Variants in THNSL1 observed in about 807,000 individuals in gnomAD.
The protein encoded by THNSL1 is threonine synthase like 1.
In THNSL1, 48 loss-of-function variants were observed where a neutral mutation model predicts 50.4. The ratio of observed to expected loss-of-function variants is 0.95; its 90% CI spans 0.76 to 1.21. The LOEUF is 1.21. THNSL1 is among the 50% of genes most tolerant of loss of function. The pLI is 0.00. For synonymous variants in THNSL1, 309 were observed against 306.1 expected, an observed-to-expected ratio of 1.01 and a Z score of -0.10; for missense variants, 896 against 871.7, an observed-to-expected ratio of 1.03 and a Z score of -0.35.
chr10:24,976,346 A>C, the THNSL1 span, among the ~76,000 whole-genome samples: 1 of 152,164 alleles, frequency 6.6e-6, no homozygotes, highest in Non-Finnish European at 1.5e-5. Flanking sequence ...AACACAAAAC[A>C]TAGGAAGCAG....
the THNSL1 span, among the ~76,000 whole-genome samples, chr10:24,979,274 G>A: frequency 6.6e-6 from 1 of 152,214 alleles, no homozygotes. Context: ...TGGGTCCAAT[G>A]CTAATGTTGT....
At chr10:25,007,975 A>G in the THNSL1 span, among the ~76,000 whole-genome samples, 1 of 148,302 alleles carries the variant, frequency 6.7e-6, no homozygotes, top group Non-Finnish European at 1.5e-5. Context: ...GTGATATATT[A>G]TATATATGTA....
Position 25,026,490 on chromosome 10 carries a change from C to A in THNSL1, c.*1035C>A, listed in dbSNP as rs534098280. ...CTATATTATTTGGAGTCAATTCTTA[C>A]GTAATTTGTTGTTTATTTCTTCAGT... On this transcript the variant is annotated 3_prime_UTR_variant, in exon 3 of 3. Transcript: ENST00000376356. The A allele has an allele frequency of 1.1e-3, 177 of 167,126 alleles. No individual in the cohort carries two copies. The highest frequency in any genetic ancestry group is 1.9e-3 in the Non-Finnish European group (131 of 68,108). 10.4% of individuals were successfully genotyped at this position (167,126 alleles called of 1,614,324 possible). A position where few individuals can be genotyped will look rare whatever the true frequency, so the allele number is the denominator to read the frequency against.
intron 1 of THNSL1, among the ~76,000 whole-genome samples, chr10:25,021,504 T>G (rs1396857232): frequency 6.6e-6 from 1 of 152,210 alleles, no homozygotes; most frequent in African/African-American, 2.4e-5. Context: ...TTTTTATTGC[T>G]TGATGGTAGA....
rs968551161 is a variant in THNSL1, at chr10:25,021,793, G to T, written c.-164G>T. The T allele has an allele frequency of 6.6e-6, 1 of 152,138 alleles. No individual in the cohort carries two copies. The highest frequency in any genetic ancestry group is 1.9e-4 in the East Asian group (1 of 5,192). 9.4% of individuals were successfully genotyped at this position (152,138 alleles called of 1,614,324 possible). A position where few individuals can be genotyped will look rare whatever the true frequency, so the allele number is the denominator to read the frequency against. ...TGCCTCAGAGTCAACAAACTCTTCA[G>T]ATTGGTTCCGGTGTGTCCTATGTTT... is the stretch of plus-strand genomic sequence containing the variant. On this transcript the variant is annotated 5_prime_UTR_variant, in exon 2 of 3. Coordinates refer to ENST00000376356, the MANE Select transcript of THNSL1 (RefSeq NM_024838.5).
chr10:25,004,093 A>T, the THNSL1 span, among the ~76,000 whole-genome samples: 2 of 152,226 alleles, frequency 1.3e-5, no homozygotes, highest in African/African-American at 4.8e-5. Flanking sequence ...ATGTCCCTGC[A>T]AAGAATACGA....
chr10:24,979,448 C>T, the THNSL1 span, among the ~76,000 whole-genome samples: 1 of 152,148 alleles, frequency 6.6e-6, no homozygotes, highest in African/African-American at 2.4e-5. Context: ...GAATGTCATT[C>T]CCATTGTCAA....
At chr10:24,968,504 T>A in the THNSL1 span, among the ~76,000 whole-genome samples, 1 of 152,166 alleles carries the variant, frequency 6.6e-6, no homozygotes, top group South Asian at 2.1e-4. Context: ...CATCCTTCGT[T>A]GTCTAAGATC....
the THNSL1 span, chr10:24,990,423 C>G: frequency 3.2e-6 from 5 of 1,579,098 alleles, no homozygotes; most frequent in Admixed American, 5.9e-5. Context: ...CAGAGATGAT[C>G]CAAAGAGTTA....
chr10:24,998,385 C>CT, the THNSL1 span, among the ~76,000 whole-genome samples: 1 of 107,702 alleles, frequency 9.3e-6, no homozygotes, highest in Non-Finnish European at 1.7e-5. Flanking sequence ...CTCTCTCTTT[C>CT]TTTTTTTGAG....
chr10:24,991,343 G>T, the THNSL1 span, among the ~76,000 whole-genome samples: 1 of 151,674 alleles, frequency 6.6e-6, no homozygotes, highest in Non-Finnish European at 1.5e-5. Context: ...CTTTTTCGTG[G>T]TCTCGTTAAA....
the THNSL1 span, among the ~76,000 whole-genome samples, chr10:25,010,489 A>C: frequency 6.6e-6 from 1 of 151,842 alleles, no homozygotes; most frequent in Admixed American, 6.6e-5. Context: ...ACATGTGCAC[A>C]ATGTGCAGGT....
upstream of THNSL1, among the ~76,000 whole-genome samples, chr10:25,013,641 G>A (rs1850500824): frequency 6.6e-6 from 1 of 152,210 alleles, no homozygotes; most frequent in African/African-American, 2.4e-5. Context: ...AATAACTGCA[G>A]ACATCAATAA....
the THNSL1 span, among the ~76,000 whole-genome samples, chr10:24,991,044 G>A: frequency 6.6e-6 from 1 of 152,186 alleles, no homozygotes; most frequent in Non-Finnish European, 1.5e-5. Flanking sequence ...AGGTTACAGT[G>A]AGCCAAGGTG....
chr10:24,970,762 G>T, the THNSL1 span, among the ~76,000 whole-genome samples: 2 of 149,960 alleles, frequency 1.3e-5, no homozygotes, highest in African/African-American at 4.9e-5. Flanking sequence ...GATGGCTCAC[G>T]CCCGTAATCC....
the THNSL1 span, among the ~76,000 whole-genome samples, chr10:24,956,593 GCA>G: frequency 1.3e-5 from 2 of 150,960 alleles, no homozygotes; most frequent in African/African-American, 2.4e-5. Flanking sequence ...TGTATACATT[GCA>G]TAATGATCAA....
the THNSL1 span, chr10:24,952,438 C>G: frequency 1.3e-4 from 190 of 1,439,748 alleles, no homozygotes; most frequent in Non-Finnish European, 1.6e-4. This position sits in a 1 kb window ranked among gnomAD's most constrained non-coding sequence, Gnocchi z 5.1. Context: ...CTCTCTCTCC[C>G]CCGACGCACG....
At chr10:25,008,954 T>A in the THNSL1 span, among the ~76,000 whole-genome samples, 15 of 152,094 alleles carry the variant, frequency 9.9e-5, no homozygotes, top group Non-Finnish European at 1.9e-4. Flanking sequence ...ATGTCCTTTG[T>A]AGGGACATGG....
chr10:25,024,265 G>T lies in THNSL1; in HGVS notation c.1042G>T (p.Gly348Ter), dbSNP rs1484709911. The change falls in exon 3 of 3, where the codon GGA (glycine) becomes TGA (stop). Residue 348 changes from glycine to a stop codon, truncating the protein, a stop_gained. Transcript: ENST00000376356. LOFTEE classifies it high-confidence loss of function. ...FILELFHGPTGSFKDLSLQLM... is the reference protein window; with the variant it reads ...FILELFHGPT ...CCTGGAGTTGTTTCATGGACCAACA[G>T]GATCATTTAAAGATTTGTCTTTACA... 1 of 1,614,156 alleles carries T rather than the reference G, an allele frequency of 6.2e-7. No individual in the cohort carries two copies. Among genetic ancestry groups the T allele is most frequent in the South Asian group, 1.1e-5 (1 of 91,078 alleles).
Sources: gnomAD v4.1 joint callset for allele counts (sites outside exome capture counted in the v4.1 genomes callset) on GRCh38, gnomAD v4.1.1 for gene constraint, Gnocchi (gnomAD v3.1) non-coding constraint, MANE v1.5 for transcripts, NCBI Gene and HGNC (gene_info 2026-07-23, HGNC 2026-07-21) for gene names.